SULT1C2: variants seen among roughly 807,000 people sequenced by gnomAD.
SULT1C2 encodes sulfotransferase family 1C member 2.
SULT1C2 carries 27 observed loss-of-function variants against 36.0 expected under a neutral mutation model. That is an observed-to-expected ratio of 0.75 (90% CI 0.55 to 1.03). SULT1C2 has a LOEUF of 1.03. SULT1C2 is among the 50% of genes least tolerant of loss of function. SULT1C2 has a pLI of 0.00. For missense variants in SULT1C2, 395 were observed against 359.2 expected (o/e 1.10, Z -0.80); for synonymous variants, 121 against 116.0 (o/e 1.04, Z -0.27).
chr2:108,295,637 T>A (rs147636768), intron 3 of SULT1C2, among the ~76,000 whole-genome samples: 1 of 152,342 alleles, frequency 6.6e-6, no homozygotes, highest in African/African-American at 2.4e-5. Flanking sequence ...TCAAGGCCTA[T>A]CTCAAAGAGT....
chr2:108,308,096 G>A (rs1677066239), intron 7 of SULT1C2, among the ~76,000 whole-genome samples: 1 of 152,182 alleles, frequency 6.6e-6, no homozygotes, highest in Non-Finnish European at 1.5e-5. Flanking sequence ...CACTACAGGT[G>A]GGGCCAGGTC....
chr2:108,297,810 G>A (rs1335801172), intron 3 of SULT1C2, among the ~76,000 whole-genome samples: 1 of 138,422 alleles, frequency 7.2e-6, no homozygotes, highest in Non-Finnish European at 1.7e-5. Flanking sequence ...CTCCTGTAGG[G>A]GTTTTTTGGC....
chr2:108,300,559 C>G, intron 3 of SULT1C2: 1 of 454,926 alleles, frequency 2.2e-6, no homozygotes. Flanking sequence ...CTGGCTGACT[C>G]TGCCTCAGCA....
chr2:108,300,911 G>A lies in SULT1C2; in HGVS notation c.351G>A (p.Pro117=), dbSNP rs950292534. ...ACCTTTCCACTCAGCTGCTGCCACC[G>A]TCTTTCTGGGAAAACAACTGCAAGG... The part of the protein sequence containing the change: ...KTHLSTQLLP[P]SFWENNCKFL... Residue 117 remains proline (P), a synonymous_variant, in exon 4 of 8, where the codon CCG becomes CCA. Coordinates refer to ENST00000251481, the MANE Select transcript of SULT1C2 (RefSeq NM_001056.4). The A allele has an allele frequency of 1.9e-6, 3 of 1,613,952 alleles. No homozygotes were observed. The highest frequency in any genetic ancestry group is 3.3e-5 in the Admixed American group (2 of 59,966).
At chr2:108,303,744 G>A (rs957469872) in intron 4 of SULT1C2, 1 of 152,176 alleles carries the variant, frequency 6.6e-6, no homozygotes, top group Non-Finnish European at 1.5e-5. Flanking sequence ...ATGTATTGTA[G>A]AATGTTGAAC....
At chr2:108,298,728 C>A in intron 3 of SULT1C2, 1 of 313,436 alleles carries the variant, frequency 3.2e-6, no homozygotes, top group Admixed American at 4.8e-5. Flanking sequence ...CTATTAGGTA[C>A]CCAATAACTG....
rs1677109093 is a variant in SULT1C2 at position 108,309,717 on chromosome 2, A to T, written c.*1253A>T. On this transcript the variant is annotated 3_prime_UTR_variant, in exon 8 of 8. Transcript: ENST00000251481. ...TTACCATGCACTGGCAATTCCAAAC[A>T]ATGTCAGTGTTAAAATGCTTCTCCC... The T allele has an allele frequency of 6.6e-6, 1 of 152,008 alleles. No homozygotes were observed. The highest frequency in any genetic ancestry group is 2.1e-4 in the South Asian group (1 of 4,800). The allele number at this position is 152,008 out of a possible 1,614,324, so 9.4% of individuals were successfully genotyped here. A position where few individuals can be genotyped will look rare whatever the true frequency, so the allele number is the denominator to read the frequency against.
At chr2:108,308,232 G>T in intron 7 of SULT1C2, 120 bp from the exon 8 acceptor site, 1 of 801,318 alleles carries the variant, frequency 1.2e-6, no homozygotes, top group Non-Finnish European at 2.0e-6. Flanking sequence ...ACTGAAGGGG[G>T]AGTTGGGTGA....
intron 3 of SULT1C2, chr2:108,298,728 C>T (rs1676801012): frequency 3.2e-6 from 1 of 313,436 alleles, no homozygotes; most frequent in Non-Finnish European, 6.2e-6. Context: ...CTATTAGGTA[C>T]CCAATAACTG....
In SULT1C2 at chr2:108,293,794, C is replaced by T. The variant is rs1274831635; in HGVS notation, c.127C>T (p.Leu43Phe). The T allele has an allele frequency of 6.2e-7, 1 of 1,614,010 alleles. No individual in the cohort carries two copies. ...CTTCGAGGCCAAACCAGATGATCTC[C>T]TCATCTGCACCTACCCTAAAGCAGG... ...QSFEAKPDDL[L>F]ICTYPKAGTT... Residue 43 changes from leucine (L) to phenylalanine (F), a missense_variant, in exon 2 of 8, where the codon CTC (leucine) becomes TTC (phenylalanine). Coordinates refer to ENST00000251481, the MANE Select transcript of SULT1C2 (RefSeq NM_001056.4).
At chr2:108,300,628 TTAACTC>T (rs1219353215) in intron 3 of SULT1C2, 3 of 735,186 alleles carry the variant, frequency 4.1e-6, no homozygotes, top group East Asian at 3.1e-5. Context: ...ACAGAGTAAA[TTAACTC>T]TAAGGCCCCA....
chr2:108,304,529 C>A, intron 4 of SULT1C2, 45 bp from the exon 5 acceptor site: 1 of 1,557,184 alleles, frequency 6.4e-7, no homozygotes, highest in South Asian at 1.2e-5. Context: ...TGTGAAAGTC[C>A]ACTTTTTATA....
intron 1 of SULT1C2, among the ~76,000 whole-genome samples, chr2:108,289,486 G>A (rs1294937196): frequency 1.3e-5 from 2 of 152,100 alleles, no homozygotes; most frequent in African/African-American, 4.8e-5. Context: ...GTGCTCCAAG[G>A]GTCCAGACTT....
intron 4 of SULT1C2, 46 bp downstream of exon 4, chr2:108,300,981 C>A (rs759215935): frequency 5.6e-6 from 9 of 1,609,764 alleles, no homozygotes; most frequent in Non-Finnish European, 6.8e-6. Context: ...AGTAAGCCAA[C>A]CAAAGCGAGT....
chr2:108,291,812 G>T (rs537663677), intron 1 of SULT1C2, among the ~76,000 whole-genome samples: 23 of 152,296 alleles, frequency 1.5e-4, no homozygotes, highest in African/African-American at 5.3e-4. Flanking sequence ...TAGAAGGCCT[G>T]CAAGAAATGT....
chr2:108,305,447 G>C lies in SULT1C2; in HGVS notation c.630G>C (p.Gln210His). 6.2e-7 allele frequency: 1 copy of C among 1,614,174 alleles called. No homozygotes were observed. Among genetic ancestry groups the C allele is most frequent in the Non-Finnish European group, 8.5e-7 (1 of 1,180,020 alleles). Residue 210 changes from glutamine (Q) to histidine (H), a missense_variant, in exon 7 of 8, where the codon CAG (glutamine) becomes CAC (histidine). Coordinates refer to ENST00000251481, the MANE Select transcript of SULT1C2 (RefSeq NM_001056.4). ...DPKHEIRKVM[Q>H]FMGKKVDETV... is the part of the protein sequence containing the mutation. Reference sequence around the variant, plus strand: ...AGCATGAAATTCGGAAGGTGATGCAGTTCATGGGAAAGAAGGTGGATGAAA... The same window carrying C: ...AGCATGAAATTCGGAAGGTGATGCACTTCATGGGAAAGAAGGTGGATGAAA...
intron 7 of SULT1C2, among the ~76,000 whole-genome samples, chr2:108,307,588 T>C (rs1186913020): frequency 6.6e-6 from 1 of 152,260 alleles, no homozygotes; most frequent in Non-Finnish European, 1.5e-5. Flanking sequence ...GATGCTTTTA[T>C]TTCTGTTGCA....
intron 4 of SULT1C2, chr2:108,304,041 C>G (rs6746883): frequency 0.73 from 111,567 of 152,236 alleles, 41,730 homozygotes; most frequent in East Asian, 0.93. Context: ...TGGGAGAGTG[C>G]AGGGATGTGA....
rs147007322 is a variant in SULT1C2 at position 108,291,821 on chromosome 2, G to C, written c.-21-1826G>C. ...CTAACATAGAAGGCCTGCAAGAAAT[G>C]TTTGTTCTTATCCCTCCTCTCCTGA... On this transcript the variant is annotated intron_variant, in intron 1 of 7. Transcript: ENST00000251481. Among the ~76,000 whole-genome samples the C allele has an allele frequency of 4.1e-4, 63 of 152,278 alleles. No individual in the cohort carries two copies. The East Asian group carries it at 0.011, about 27-fold the overall frequency.
Sources: gnomAD v4.1 joint callset for allele counts (sites outside exome capture counted in the v4.1 genomes callset) on GRCh38, gnomAD v4.1.1 for gene constraint, MANE v1.5 for transcripts, NCBI Gene and HGNC (gene_info 2026-07-23, HGNC 2026-07-21) for gene names.